PTPRG: variants seen among roughly 807,000 people sequenced by gnomAD.
The protein encoded by PTPRG is receptor-type tyrosine-protein phosphatase gamma.
PTPRG carries 102 observed loss-of-function variants against 165.3 expected under a neutral mutation model. That is an observed-to-expected ratio of 0.62 (90% CI 0.53 to 0.73). The LOEUF (loss-of-function observed/expected upper bound fraction) is 0.73. Ranked by LOEUF, PTPRG falls within the 30% of genes least tolerant of loss-of-function variation. The pLI is 0.00. For missense variants in PTPRG, 1,866 were observed against 1,861.4 expected, an observed-to-expected ratio of 1.00 and a Z score of -0.05; for synonymous variants, 675 against 669.5, an observed-to-expected ratio of 1.01 and a Z score of -0.13.
chr3:61,980,357 T>C (rs2040611795), intron 2 of PTPRG, among the ~76,000 whole-genome samples: 1 of 152,222 alleles, frequency 6.6e-6, no homozygotes, highest in Non-Finnish European at 1.5e-5. Flanking sequence ...TTTTATCCCA[T>C]GACTGCTGTG....
chr3:62,262,665 A>G, intron 16 of PTPRG, 133 bp from the exon 17 acceptor site: 1 of 491,164 alleles, frequency 2.0e-6, no homozygotes, highest in Non-Finnish European at 3.6e-6. Flanking sequence ...ATCAATAATT[A>G]TATCCGAAGT....
chr3:61,684,350 G>T (rs1426667775), intron 1 of PTPRG, among the ~76,000 whole-genome samples: 1 of 152,186 alleles, frequency 6.6e-6, no homozygotes, highest in Non-Finnish European at 1.5e-5. Context: ...TAGGGAGCGG[G>T]TTGCCTGTTC....
rs368162564 is a variant in PTPRG at position 62,224,923 on chromosome 3, A to G, written c.2288+5940A>G. On this transcript the variant is annotated intron_variant, in intron 13 of 29. Transcript: ENST00000474889. The surrounding 1 kb of genome is among the most constrained non-coding windows in gnomAD (Gnocchi z 4.9). Reference sequence around the variant, plus strand: ...TCTGTAAAAACACAGAAGTTGCTATAAAACTAGGAAGAAATGTAAGCAAAG... The same window carrying G: ...TCTGTAAAAACACAGAAGTTGCTATGAAACTAGGAAGAAATGTAAGCAAAG... Among the ~76,000 whole-genome samples the G allele has an allele frequency of 6.6e-6, 1 of 152,338 alleles. No individual in the cohort carries two copies.
chr3:61,665,066 G>C (rs139096293), intron 1 of PTPRG, among the ~76,000 whole-genome samples: 1 of 152,216 alleles, frequency 6.6e-6, no homozygotes, highest in East Asian at 1.9e-4. Context: ...CCATGTTTAT[G>C]TCAGATTTTA....
chr3:62,193,404 T>G (rs1699886028), intron 9 of PTPRG, among the ~76,000 whole-genome samples: 1 of 152,226 alleles, frequency 6.6e-6, no homozygotes, highest in Non-Finnish European at 1.5e-5. Context: ...CAGCAACTTC[T>G]TTCTTACAAG....
At chr3:62,106,219 C>T (rs188479172) in intron 5 of PTPRG, among the ~76,000 whole-genome samples, 1 of 152,224 alleles carries the variant, frequency 6.6e-6, no homozygotes, top group East Asian at 1.9e-4. Flanking sequence ...GTAGAAGAAC[C>T]TAGAGAAGGT....
At chr3:62,148,902 A>C (rs1704220705) in intron 6 of PTPRG, among the ~76,000 whole-genome samples, 2 of 152,112 alleles carry the variant, frequency 1.3e-5, no homozygotes, top group African/African-American at 4.8e-5. Flanking sequence ...GCATAAGGAG[A>C]GCTAGATCCC....
At chr3:61,895,648 G>A (rs575878956) in intron 2 of PTPRG, among the ~76,000 whole-genome samples, 9 of 152,138 alleles carry the variant, frequency 5.9e-5, no homozygotes, top group Non-Finnish European at 1.0e-4. Context: ...TTTGTGTTTC[G>A]AAATATGTTT....
chr3:62,038,370 A>C, intron 4 of PTPRG, among the ~76,000 whole-genome samples: 1 of 152,186 alleles, frequency 6.6e-6, no homozygotes, highest in East Asian at 1.9e-4. Flanking sequence ...TTGCTTATCT[A>C]ATGAATAGTT....
intron 13 of PTPRG, among the ~76,000 whole-genome samples, chr3:62,220,257 T>C (rs1576151342): frequency 6.6e-6 from 1 of 152,240 alleles, no homozygotes; most frequent in East Asian, 1.9e-4. Context: ...GTTAATGCAC[T>C]GCCTTTCACT....
intron 2 of PTPRG, among the ~76,000 whole-genome samples, chr3:61,933,804 T>C (rs917290198): frequency 2.6e-5 from 4 of 152,198 alleles, no homozygotes; most frequent in African/African-American, 7.2e-5. Context: ...TTCTGCCTTG[T>C]CTCCTCAATG....
chr3:61,980,588 T>C (rs2040617351), intron 2 of PTPRG, among the ~76,000 whole-genome samples: 1 of 152,234 alleles, frequency 6.6e-6, no homozygotes, highest in South Asian at 2.1e-4. Context: ...ATTTTCGTCT[T>C]AGTGAAAACA....
chr3:61,810,181 A>C (rs1426426661), intron 2 of PTPRG, among the ~76,000 whole-genome samples: 1 of 152,232 alleles, frequency 6.6e-6, no homozygotes, highest in Non-Finnish European at 1.5e-5. Context: ...GGATAAAATA[A>C]GAACAATACG....
chr3:62,023,391 G>A (rs890926944), intron 4 of PTPRG, among the ~76,000 whole-genome samples: 6 of 152,068 alleles, frequency 3.9e-5, no homozygotes, highest in African/African-American at 1.4e-4. Context: ...ATCTCTCTGT[G>A]TATATTTGCA....
At chr3:61,701,818 G>A (rs1424051086) in intron 1 of PTPRG, among the ~76,000 whole-genome samples, 1 of 152,066 alleles carries the variant, frequency 6.6e-6, no homozygotes, top group Non-Finnish European at 1.5e-5. Context: ...GATCAGTTGA[G>A]CCCCCAGGAG....
chr3:61,851,416 G>A (rs1205975072), intron 2 of PTPRG, among the ~76,000 whole-genome samples: 6 of 152,228 alleles, frequency 3.9e-5, no homozygotes, highest in South Asian at 2.1e-4. Context: ...AAAGAAAACC[G>A]AGCTGCTTTT....
intron 15 of PTPRG, among the ~76,000 whole-genome samples, chr3:62,246,046 T>C (rs1034305624): frequency 6.6e-6 from 1 of 152,182 alleles, no homozygotes; most frequent in African/African-American, 2.4e-5. Context: ...CCAGGGGCAT[T>C]TCTTTAAATG....
intron 2 of PTPRG, among the ~76,000 whole-genome samples, chr3:61,980,270 T>TA (rs2040610353): frequency 6.6e-6 from 1 of 152,210 alleles, no homozygotes; most frequent in African/African-American, 2.4e-5. Context: ...TCCCACATGA[T>TA]AACTTGAGCG....
chr3:62,040,249 T>C (rs1181852289), intron 4 of PTPRG, among the ~76,000 whole-genome samples: 1 of 152,206 alleles, frequency 6.6e-6, no homozygotes, highest in Non-Finnish European at 1.5e-5. Flanking sequence ...TTGGAGACAA[T>C]TTCTGCCCAA....
Sources: gnomAD v4.1 joint callset for allele counts (sites outside exome capture counted in the v4.1 genomes callset) on GRCh38, gnomAD v4.1.1 for gene constraint, Gnocchi (gnomAD v3.1) non-coding constraint, MANE v1.5 for transcripts, NCBI Gene and HGNC (gene_info 2026-07-23, HGNC 2026-07-21) for gene names.